SPSB1: variants seen among roughly 807,000 people sequenced by gnomAD.
SPSB1 encodes the protein splA/ryanodine receptor domain and SOCS box containing 1.
In SPSB1, 8 loss-of-function variants were observed where a neutral mutation model predicts 21.2. That is an observed-to-expected ratio of 0.38 (90% CI 0.22 to 0.68). The LOEUF (loss-of-function observed/expected upper bound fraction) is 0.68, where lower values mean the gene tolerates loss of function less well. SPSB1 is among the 30% of genes least tolerant of loss of function. SPSB1 has a pLI of 0.53. For synonymous variants in SPSB1, 169 were observed against 161.7 expected, an observed-to-expected ratio of 1.05 and a Z score of -0.34; for missense variants, 242 against 377.8, an observed-to-expected ratio of 0.64 and a Z score of 2.98.
Position 9,305,685 on chromosome 1 carries a change from G to A in SPSB1, c.-150+12614G>A, listed in dbSNP as rs952165704. ...TGCCCCGTGGGAGGTCAGGAACTCC[G>A]AACAAGCCTCTGTTCTCAGGAGCTG... On this transcript the variant is annotated intron_variant, in intron 1 of 2. Coordinates refer to ENST00000328089, the MANE Select transcript of SPSB1 (RefSeq NM_025106.4). This position sits in a 1 kb window ranked among gnomAD's most constrained non-coding sequence, Gnocchi z 4.8. Among the ~76,000 whole-genome samples, 23 of 152,224 alleles carry A rather than the reference G, an allele frequency of 1.5e-4. No homozygotes were observed. The highest frequency in any genetic ancestry group is 2.1e-4 in the Non-Finnish European group (14 of 68,042).
chr1:9,365,015 CT>C (rs1640545203), intron 2 of SPSB1, among the ~76,000 whole-genome samples: 1 of 152,202 alleles, frequency 6.6e-6, no homozygotes. Flanking sequence ...CCATGCCTGG[CT>C]CATTTTTGTA....
rs1358279662 is a variant in SPSB1 at position 9,346,833 on chromosome 1, C to T, written c.-149-8910C>T. Among the ~76,000 whole-genome samples the T allele has an allele frequency of 1.3e-5, 2 of 152,218 alleles. No individual in the cohort carries two copies. The highest frequency in any genetic ancestry group is 1.9e-4 in the East Asian group (1 of 5,196). On this transcript the variant is annotated intron_variant, in intron 1 of 2. Coordinates refer to ENST00000328089, the MANE Select transcript of SPSB1 (RefSeq NM_025106.4). The surrounding 1 kb of genome is among the most constrained non-coding windows in gnomAD (Gnocchi z 4.4). ...GCTGCCACCTGGCTGGGTATGGGGA[C>T]GGACCAGCTGTTCTCTTCTTGTGTT...
intron 1 of SPSB1, among the ~76,000 whole-genome samples, chr1:9,295,217 A>AGTGTGTGT (rs5772365): frequency 6.7e-6 from 1 of 148,558 alleles, no homozygotes; most frequent in African/African-American, 2.5e-5. Context: ...TGAGAGTGTG[A>AGTGTGTGT]GTGTGTGTGT....
chr1:9,353,962 G>A (rs1640318742), intron 1 of SPSB1, among the ~76,000 whole-genome samples: 2 of 151,996 alleles, frequency 1.3e-5, no homozygotes, highest in East Asian at 3.9e-4. Context: ...AGAAAGGGGA[G>A]GGCGAGAAGC....
At chr1:9,364,984 C>T (rs543630445) in intron 2 of SPSB1, among the ~76,000 whole-genome samples, 4 of 152,158 alleles carry the variant, frequency 2.6e-5, no homozygotes, top group South Asian at 4.1e-4. Context: ...CCCGAGTAGC[C>T]GGGACTACAG....
At chr1:9,358,813 A>T (rs1195229998) in intron 2 of SPSB1, among the ~76,000 whole-genome samples, 3 of 152,134 alleles carry the variant, frequency 2.0e-5, no homozygotes, top group Non-Finnish European at 4.4e-5. Flanking sequence ...ACGGTTATGT[A>T]TCATAGCTCC....
intron 1 of SPSB1, among the ~76,000 whole-genome samples, chr1:9,320,626 G>A (rs1360393352): frequency 5.9e-5 from 9 of 152,218 alleles, no homozygotes; most frequent in Non-Finnish European, 5.9e-5. Context: ...GAGCAATGGA[G>A]CAGGAGAAAC....
intron 1 of SPSB1, among the ~76,000 whole-genome samples, chr1:9,298,369 C>CATGA (rs201124393): frequency 8.1e-6 from 1 of 124,060 alleles, no homozygotes; most frequent in Non-Finnish European, 1.8e-5. Flanking sequence ...ACTAAGCCCC[C>CATGA]ATGAATGAAT....
intron 1 of SPSB1, among the ~76,000 whole-genome samples, chr1:9,339,691 GAGGGGCCTCCAGC>G (rs1640058629): frequency 6.6e-6 from 1 of 152,208 alleles, no homozygotes; most frequent in South Asian, 2.1e-4. Context: ...GTGAGGAGGG[GAGGGGCCTCCAGC>G]AGGGTCGCCC....
chr1:9,325,479 G>A (rs1639802819), intron 1 of SPSB1, among the ~76,000 whole-genome samples: 1 of 152,222 alleles, frequency 6.6e-6, no homozygotes, highest in Non-Finnish European at 1.5e-5. Context: ...TCTTCAGGAA[G>A]GTGGTGTGGG....
In SPSB1 at chr1:9,316,953, G is replaced by A. The variant is rs367955900; in HGVS notation, c.-150+23882G>A. Among the ~76,000 whole-genome samples, 14 of 152,286 alleles carry A rather than the reference G, an allele frequency of 9.2e-5. No individual in the cohort carries two copies. In the South Asian group the frequency reaches 1.9e-3, roughly 20 times the overall value. Reference sequence around the variant, plus strand: ...GCTGCCTGGTGCTCTCCTTCTGATCGCAGAGATCCCAGGCCCCGTAGCAGG... The same window carrying A: ...GCTGCCTGGTGCTCTCCTTCTGATCACAGAGATCCCAGGCCCCGTAGCAGG... On this transcript the variant is annotated intron_variant, in intron 1 of 2. Coordinates refer to ENST00000328089, the MANE Select transcript of SPSB1 (RefSeq NM_025106.4).
At chr1:9,298,195 T>A (rs958079491) in intron 1 of SPSB1, among the ~76,000 whole-genome samples, 2 of 152,246 alleles carry the variant, frequency 1.3e-5, no homozygotes, top group African/African-American at 4.8e-5. Flanking sequence ...GTGAAATTCT[T>A]ACTTGATCTT....
chr1:9,358,674 AG>A (rs1374096664), intron 2 of SPSB1, among the ~76,000 whole-genome samples: 1 of 152,168 alleles, frequency 6.6e-6, no homozygotes, highest in Non-Finnish European at 1.5e-5. Flanking sequence ...CAGACAGATG[AG>A]GGGACTGCCA....
intron 1 of SPSB1, among the ~76,000 whole-genome samples, chr1:9,300,960 GA>G (rs1557444056): frequency 1.3e-5 from 2 of 152,248 alleles, no homozygotes; most frequent in Admixed American, 1.3e-4. Flanking sequence ...GGCACAACCC[GA>G]AAGTGGACAG....
rs1002405266 is a variant in SPSB1, at chr1:9,367,107, G to A, written c.695-341G>A. ...TAGCTGCATCTCCTGCCAGCAGGGC[G>A]ACCCCTGGCAAGTCATTTAGACTCT... On this transcript the variant is annotated intron_variant, in intron 2 of 2. Coordinates refer to ENST00000328089, the MANE Select transcript of SPSB1 (RefSeq NM_025106.4). The surrounding 1 kb of genome is among the most constrained non-coding windows in gnomAD (Gnocchi z 5.9). Among the ~76,000 whole-genome samples the A allele has an allele frequency of 2.6e-5, 4 of 152,180 alleles. No homozygotes were observed. Among genetic ancestry groups the A allele is most frequent in the South Asian group, 2.1e-4 (1 of 4,830 alleles).
In SPSB1 at chr1:9,346,632, G is replaced by C. The variant is rs190743534; in HGVS notation, c.-149-9111G>C. On this transcript the variant is annotated intron_variant, in intron 1 of 2. Transcript: ENST00000328089. The surrounding 1 kb of genome is among the most constrained non-coding windows in gnomAD (Gnocchi z 4.4). ...ATTGAAACACCATCGGGGGGTTGCC[G>C]GCAGGTGCTGTGCAGTCTGGCCTGT... Among the ~76,000 whole-genome samples the C allele has an allele frequency of 1.8e-3, 281 of 152,284 alleles. 1 individual carries two copies. The highest frequency in any genetic ancestry group is 5.9e-3 in the African/African-American group (247 of 41,546).
Position 9,325,229 on chromosome 1 carries a change from C to CA in SPSB1, c.-149-30514_-149-30513insA, listed in dbSNP as rs1639797876. Among the ~76,000 whole-genome samples the CA allele has an allele frequency of 2.7e-5, 4 of 148,758 alleles. 1 individual carries two copies. Among genetic ancestry groups the CA allele is most frequent in the African/African-American group, 7.6e-5 (3 of 39,470 alleles). On this transcript the variant is annotated intron_variant, in intron 1 of 2. Transcript: ENST00000328089. Reference sequence around the variant, plus strand: ...GAGCCAATGCCTCCCACCACCACCCCCCCCCCCCGCCCCGCCTCCACCGGT... The same window carrying CA: ...GAGCCAATGCCTCCCACCACCACCCCACCCCCCCCGCCCCGCCTCCACCGGT...
chr1:9,318,173 T>C (rs1286483396), intron 1 of SPSB1, among the ~76,000 whole-genome samples: 2 of 152,164 alleles, frequency 1.3e-5, no homozygotes, highest in Non-Finnish European at 2.9e-5. Context: ...CAGCAGGCAG[T>C]GGGGGAAGGT....
At chr1:9,307,596 G>C (rs1168831477) in intron 1 of SPSB1, among the ~76,000 whole-genome samples, 1 of 152,176 alleles carries the variant, frequency 6.6e-6, no homozygotes, top group African/African-American at 2.4e-5. Flanking sequence ...CAGTTGTAGA[G>C]GCCACGTGAA....
Sources: allele counts gnomAD v4.1 joint callset (sites outside exome capture counted in the v4.1 genomes callset), GRCh38; gene constraint gnomAD v4.1.1; non-coding constraint Gnocchi (gnomAD v3.1); transcripts MANE v1.5; gene names NCBI Gene and HGNC (gene_info 2026-07-23, HGNC 2026-07-21).